ATP5PB: variants seen among roughly 807,000 people sequenced by gnomAD.
The protein encoded by ATP5PB is ATP synthase peripheral stalk-membrane subunit b.
A neutral mutation model predicts 34.5 loss-of-function variants in ATP5PB; 21 were observed. That is an observed-to-expected ratio of 0.61 (90% CI 0.43 to 0.88). The LOEUF (loss-of-function observed/expected upper bound fraction) is 0.88. ATP5PB is among the 40% of genes least tolerant of loss of function. ATP5PB has a pLI of 0.00. For missense variants in ATP5PB, 293 were observed against 317.4 expected (o/e 0.92, Z 0.58); for synonymous variants, 108 against 114.1 (o/e 0.95, Z 0.34).
rs1335215727 is a variant in ATP5PB at position 111,449,862 on chromosome 1, C to T, written c.66C>T (p.Phe22=). 1.9e-6 allele frequency: 3 copies of T among 1,614,194 alleles called. No individual in the cohort carries two copies. The highest frequency in any genetic ancestry group is 2.5e-6 in the Non-Finnish European group (3 of 1,180,028). The stretch of plus-strand genomic sequence containing the variant: ...CCCCCTCTCTGAAGAATGCAGCCTT[C>T]CTAGGTCCAGGGTAAGTGTGAGGAT... ...TAAPSLKNAA[F]LGPGVLQATR... Residue 22 remains phenylalanine, a synonymous_variant, in exon 2 of 7, where the codon TTC becomes TTT. Transcript: ENST00000369722.
intron 2 of ATP5PB, 68 bp from the exon 3 acceptor site, chr1:111,454,143 C>T: frequency 7.2e-7 from 1 of 1,392,838 alleles, no homozygotes; most frequent in African/African-American, 1.5e-5. Flanking sequence ...ATTGTTTCTG[C>T]TCATTATTCA....
chr1:111,455,893 G>C (rs1653459141), intron 3 of ATP5PB, among the ~76,000 whole-genome samples, 193 bp from the exon 4 acceptor site: 1 of 152,192 alleles, frequency 6.6e-6, no homozygotes, highest in Non-Finnish European at 1.5e-5. Flanking sequence ...TGTAGAGTCA[G>C]TATACAGATT....
At chr1:111,449,765 C>T (rs962343943) in intron 1 of ATP5PB, 72 bp from the exon 2 acceptor site, 9 of 1,606,820 alleles carry the variant, frequency 5.6e-6, no homozygotes, top group Admixed American at 1.7e-5. Flanking sequence ...AGTGATAGAG[C>T]CTGGCGGGGG....
chr1:111,449,979 A>G lies in ATP5PB; in HGVS notation c.77+106A>G. On this transcript the variant is annotated intron_variant, in intron 2 of 6. Transcript: ENST00000369722. ...TTTAGGTCAGAAATTTCTTTCCGAT[A>G]ATTTTGGGACACTTAAACCCTCTTT... 9.6e-6 allele frequency: 14 copies of G among 1,458,950 alleles called. No individual in the cohort carries two copies. In the South Asian group the frequency reaches 1.4e-4, roughly 14 times the overall value. 90.4% of individuals were successfully genotyped at this position (1,458,950 alleles called of 1,614,324 possible).
At chr1:111,450,004 T>C in intron 2 of ATP5PB, 131 bp downstream of exon 2, 1 of 1,158,302 alleles carries the variant, frequency 8.6e-7, no homozygotes, top group Non-Finnish European at 1.3e-6. Flanking sequence ...AAACCCTCTT[T>C]CAGACAAGAC....
chr1:111,458,309 C>G (rs1016895916), intron 5 of ATP5PB, among the ~76,000 whole-genome samples: 3 of 152,156 alleles, frequency 2.0e-5, no homozygotes, highest in African/African-American at 7.2e-5. Context: ...AATTTGAGAC[C>G]AGCCTGGGCA....
At position 111,454,335 on chromosome 1, in the gene ATP5PB, T is replaced by C. The variant is rs1653410492; in HGVS notation, c.202T>C (p.Tyr68His). The change falls in exon 3 of 7, where the codon TAT becomes CAT. Residue 68 changes from tyrosine to histidine, a missense_variant. Tyr to His is a moderately conservative substitution (Grantham distance 83, BLOSUM62 2). Transcript: ENST00000369722. ...CCCTGAGGAATTCTTCCAGTTTCTT[T>C]ATCCTAAAACTGGTGTAACAGGTGA... The part of the protein sequence containing the change: ...LIPEEFFQFL[Y>H]PKTGVTGPYV... 6.2e-7 allele frequency: 1 copy of C among 1,608,642 alleles called. No homozygotes were observed. Among genetic ancestry groups the C allele is most frequent in the East Asian group, 2.2e-5 (1 of 44,598 alleles).
Position 111,456,261 on chromosome 1 carries a change from A to C in ATP5PB, c.387+12A>C, listed in dbSNP as rs749635122. 4 of 1,565,240 alleles carry C rather than the reference A, an allele frequency of 2.6e-6. No homozygotes were observed. Among genetic ancestry groups the C allele is most frequent in the Non-Finnish European group, 3.5e-6 (4 of 1,157,662 alleles). On this transcript the variant is annotated intron_variant, in intron 4 of 6. Coordinates refer to ENST00000369722, the MANE Select transcript of ATP5PB (RefSeq NM_001688.5). ...ATAAACTCAATGAGGTAAGAACCAT[A>C]AACTTTATTTCCTATTTTAGACTAG...
chr1:111,450,594 G>A (rs555808495), intron 2 of ATP5PB, among the ~76,000 whole-genome samples: 1 of 152,292 alleles, frequency 6.6e-6, no homozygotes, highest in South Asian at 2.1e-4. Context: ...ACAGTTCTTG[G>A]TACATAGCGT....
intron 2 of ATP5PB, 40 bp downstream of exon 2, chr1:111,449,913 A>C (rs1315545645): frequency 2.5e-5 from 41 of 1,612,754 alleles, no homozygotes; most frequent in African/African-American, 4.0e-5. Context: ...CTTTGTTTTC[A>C]CTACCTTTTA....
Position 111,459,352 on chromosome 1 carries a change from C to T in ATP5PB, c.514-105C>T, listed in dbSNP as rs1303449672. The T allele has an allele frequency of 1.7e-5, 19 of 1,091,932 alleles. No homozygotes were observed. In the East Asian group the frequency reaches 4.6e-4, roughly 27 times the overall value. The allele number at this position is 1,091,932 out of a possible 1,614,324, so 67.6% of individuals were successfully genotyped here. A position where few individuals can be genotyped will look rare whatever the true frequency, so the allele number is the denominator to read the frequency against. On this transcript the variant is annotated intron_variant, in intron 5 of 6. Coordinates refer to ENST00000369722, the MANE Select transcript of ATP5PB (RefSeq NM_001688.5). ...TTACCTATTAAATAAAAGAATTTCA[C>T]GTAAAATACAAAAGAAGTGGGCATT...
At chr1:111,454,979 A>G (rs1653431878) in intron 3 of ATP5PB, among the ~76,000 whole-genome samples, 1 of 152,236 alleles carries the variant, frequency 6.6e-6, no homozygotes, top group South Asian at 2.1e-4. Flanking sequence ...ATGACAATAA[A>G]GAAATGAGTA....
chr1:111,449,990 A>C, intron 2 of ATP5PB, 117 bp downstream of exon 2: 1 of 1,307,492 alleles, frequency 7.6e-7, no homozygotes, highest in African/African-American at 1.5e-5. Flanking sequence ...ATTTTGGGAC[A>C]CTTAAACCCT....
chr1:111,449,719 G>T, intron 1 of ATP5PB, 118 bp from the exon 2 acceptor site: 1 of 1,566,418 alleles, frequency 6.4e-7, no homozygotes, highest in Non-Finnish European at 8.8e-7. Context: ...GGGAGCGTGG[G>T]GTCTTGAGGG....
chr1:111,455,155 T>G (rs1426207704), intron 3 of ATP5PB, among the ~76,000 whole-genome samples: 2 of 138,656 alleles, frequency 1.4e-5, no homozygotes, highest in East Asian at 4.0e-4. Context: ...CCGAAGATTG[T>G]TTTTTTTTTA....
chr1:111,449,616 G>A (rs368639345), intron 1 of ATP5PB, 35 bp downstream of exon 1: 2 of 1,574,822 alleles, frequency 1.3e-6, no homozygotes, highest in Admixed American at 1.8e-5. Context: ...GACTATCAGA[G>A]TGATTGGAAA....
At chr1:111,453,992 G>C (rs1487945569) in intron 2 of ATP5PB, among the ~76,000 whole-genome samples, 4 of 152,234 alleles carry the variant, frequency 2.6e-5, no homozygotes, top group African/African-American at 9.6e-5. Flanking sequence ...AGGGATTCCA[G>C]TATTGGGTAG....
At chr1:111,450,921 T>C (rs1443345569) in intron 2 of ATP5PB, among the ~76,000 whole-genome samples, 1 of 152,222 alleles carries the variant, frequency 6.6e-6, no homozygotes, top group Non-Finnish European at 1.5e-5. Flanking sequence ...TTGGTTTTCT[T>C]TCACACTCCA....
In ATP5PB at chr1:111,458,026, A is replaced by G. The variant is rs567130249; in HGVS notation, c.513+1271A>G. On this transcript the variant is annotated intron_variant, in intron 5 of 6. Coordinates refer to ENST00000369722, the MANE Select transcript of ATP5PB (RefSeq NM_001688.5). ...ACATTTACTTGATAGATATTTATTGAGTTCTTCCTGTGTAGATATTCTGAT... is the reference window on the plus strand; with the variant it reads ...ACATTTACTTGATAGATATTTATTGGGTTCTTCCTGTGTAGATATTCTGAT... 3.3e-5 allele frequency among the ~76,000 whole-genome samples: 5 copies of G among 152,284 alleles called. No homozygotes were observed. The South Asian group carries it at 1.0e-3, about 32-fold the overall frequency.
Sources: gnomAD v4.1 joint callset for allele counts (sites outside exome capture counted in the v4.1 genomes callset) on GRCh38, gnomAD v4.1.1 for gene constraint, MANE v1.5 for transcripts, NCBI Gene and HGNC (gene_info 2026-07-23, HGNC 2026-07-21) for gene names.